The following FAT1 variants were observed in gnomAD, a reference collection of about 807,000 sequenced individuals.
FAT1 encodes the protein protocadherin Fat 1.
FAT1 carries 171 observed loss-of-function variants against 329.8 expected under a neutral mutation model. The observed-to-expected ratio is 0.52, with a 90% CI of 0.46 to 0.59. The LOEUF (loss-of-function observed/expected upper bound fraction) is 0.59. Among genes scored for constraint, FAT1 ranks in the 20% least tolerant of loss-of-function variants. The pLI is 0.00. For synonymous variants in FAT1, 2,233 were observed against 2,228.6 expected (o/e 1.00, Z -0.06); for missense variants, 5,672 against 5,774.4 (o/e 0.98, Z 0.57).
intron 1 of FAT1, among the ~76,000 whole-genome samples, chr4:186,723,404 C>T (rs1361848422): frequency 6.6e-6 from 1 of 152,218 alleles, no homozygotes. Flanking sequence ...CAGAAAGGAT[C>T]GGACCCCAGC....
chr4:186,666,132 A>G (rs750643288), intron 2 of FAT1, among the ~76,000 whole-genome samples: 1 of 152,046 alleles, frequency 6.6e-6, no homozygotes, highest in East Asian at 1.9e-4. Flanking sequence ...ACATGTATAC[A>G]TATGTAACAA....
rs2126616746 is a variant in FAT1 at position 186,663,342 on chromosome 4, T to C, written c.3537A>G (p.Thr1179=). ...SSNDKLMYKI[T]SGNPQGFFSI... ...AAAAGAATCCTTGTGGATTTCCACTTGTAATTTTGTACATGAGCTTGTCAT... is the reference window on the plus strand; with the variant it reads ...AAAAGAATCCTTGTGGATTTCCACTCGTAATTTTGTACATGAGCTTGTCAT... Residue 1179 remains threonine, a synonymous_variant, in exon 3 of 27, where the codon ACA becomes ACG. Coordinates refer to ENST00000441802, the MANE Select transcript of FAT1 (RefSeq NM_005245.4). 6.2e-7 allele frequency: 1 copy of C among 1,614,004 alleles called. No individual in the cohort carries two copies. Among genetic ancestry groups the C allele is most frequent in the Non-Finnish European group, 8.5e-7 (1 of 1,179,860 alleles).
At position 186,619,387 on chromosome 4, in the gene FAT1, C is replaced by G. The variant is rs1422565998; in HGVS notation, c.7199G>C (p.Ser2400Thr). The G allele has an allele frequency of 5.6e-6, 9 of 1,614,004 alleles. No homozygotes were observed. Among genetic ancestry groups the G allele is most frequent in the Non-Finnish European group, 6.8e-6 (8 of 1,179,894 alleles). The change falls in exon 10 of 27, where the codon AGC becomes ACC. Residue 2400 changes from serine to threonine, a missense_variant. By Grantham distance (58) the Ser-to-Thr change is moderately conservative (BLOSUM62 1). Around this residue, in one of 2 missense-constraint regions of FAT1, gnomAD observed 3,966 missense variants for 3,915.2 expected, o/e 1.01. Transcript: ENST00000441802. The part of the protein sequence containing the change: ...FEQQIYEARI[S>T]EHAPHGHFVT... ...GAAATGCCCATGAGGGGCGTGCTCG[C>G]TAATTCTGGCTTCATAAATCTGTTG...
Position 186,651,053 on chromosome 4 carries a change from A to ATAATTTATCTATTAT in FAT1, c.3581-11271_3581-11270insATAATAGATAAATTA, listed in dbSNP as rs565010587. ...TAAATAATTTATTTACTATTATTAA[A>ATAATTTATCTATTAT]TAATTTATTTATTATTAATAATTGA... On this transcript the variant is annotated intron_variant, in intron 3 of 26. Coordinates refer to ENST00000441802, the MANE Select transcript of FAT1 (RefSeq NM_005245.4). 1.7e-3 allele frequency among the ~76,000 whole-genome samples: 256 copies of ATAATTTATCTATTAT among 149,638 alleles called. 1 individual carries two copies. The highest frequency in any genetic ancestry group is 0.011 in the Middle Eastern group (3 of 280).
chr4:186,647,588 G>C (rs1193927934), intron 3 of FAT1, among the ~76,000 whole-genome samples: 1 of 152,164 alleles, frequency 6.6e-6, no homozygotes, highest in Non-Finnish European at 1.5e-5. Context: ...CCTTTTGCAG[G>C]AAGGAGTCCT....
At chr4:186,715,007 G>T (rs1485288584) in intron 1 of FAT1, among the ~76,000 whole-genome samples, 1 of 152,152 alleles carries the variant, frequency 6.6e-6, no homozygotes, top group African/African-American at 2.4e-5. Flanking sequence ...GAACAAGGGA[G>T]ACGGAGGTTG....
Position 186,628,715 on chromosome 4 carries a change from T to G in FAT1, c.4372A>C (p.Thr1458Pro), listed in dbSNP as rs779756475. Reference sequence around the variant, plus strand: ...GGAATAACAACTTCATACTTTGATGTAGAAAACTGAGGACGATGGTCATTT... The same window carrying G: ...GGAATAACAACTTCATACTTTGATGGAGAAAACTGAGGACGATGGTCATTT... The part of the protein sequence containing the change: ...DTNDHRPQFS[T>P]SKYEVVIPED... The change falls in exon 8 of 27, where the codon ACA becomes CCA. Residue 1458 changes from threonine to proline, a missense_variant. By Grantham distance (38) the Thr-to-Pro change is conservative. This residue lies in a region of FAT1 where 3,966 missense variants were observed against 3,915.2 expected (regional missense o/e 1.01). Transcript: ENST00000441802. 1 of 1,613,928 alleles carries G rather than the reference T, an allele frequency of 6.2e-7. No homozygotes were observed. The highest frequency in any genetic ancestry group is 2.2e-5 in the East Asian group (1 of 44,886).
chr4:186,607,169 T>G (rs1039740540), intron 16 of FAT1, among the ~76,000 whole-genome samples: 2 of 152,240 alleles, frequency 1.3e-5, no homozygotes, highest in African/African-American at 4.8e-5. Flanking sequence ...CAAATTCCTT[T>G]AATCTTAGAT....
At chr4:186,626,618 G>A (rs1478317905) in intron 9 of FAT1, among the ~76,000 whole-genome samples, 4 of 117,494 alleles carry the variant, frequency 3.4e-5, no homozygotes, top group Non-Finnish European at 5.2e-5. Flanking sequence ...CATGGCACCT[G>A]GCACATAAAG....
At position 186,707,999 on chromosome 4, in the gene FAT1, T is replaced by C. The variant is rs748205441; in HGVS notation, c.1829A>G (p.Asn610Ser). ...QLVQYQIEAG[N>S]ELDFFSLNPN... The stretch of plus-strand genomic sequence containing the variant: ...GTTTAAACTAAAGAAATCCAGTTCA[T>C]TTCCAGCTTCAATCTGATACTGTAC... Residue 610 changes from asparagine (N) to serine (S), a missense_variant, in exon 2 of 27, where the codon AAT (asparagine) becomes AGT (serine). Asn to Ser is a conservative substitution (Grantham distance 46). Transcript: ENST00000441802. 2 of 1,613,942 alleles carry C rather than the reference T, an allele frequency of 1.2e-6. No individual in the cohort carries two copies. The highest frequency in any genetic ancestry group is 1.7e-6 in the Non-Finnish European group (2 of 1,179,872).
intron 1 of FAT1, among the ~76,000 whole-genome samples, chr4:186,714,012 G>A (rs942444830): frequency 3.3e-5 from 5 of 152,022 alleles, no homozygotes; most frequent in African/African-American, 7.2e-5. Flanking sequence ...CTCAAGATCC[G>A]TCTGGACTCA....
At chr4:186,613,414 C>T in intron 12 of FAT1, 72 bp from the exon 13 acceptor site, 6 of 1,169,180 alleles carry the variant, frequency 5.1e-6, no homozygotes, top group Non-Finnish European at 7.6e-6. Context: ...TATTTCCTCC[C>T]CTTTTGTCTT....
At chr4:186,700,316 CT>C (rs1203848019) in intron 2 of FAT1, among the ~76,000 whole-genome samples, 1 of 152,204 alleles carries the variant, frequency 6.6e-6, no homozygotes, top group Non-Finnish European at 1.5e-5. Context: ...ACTTTTACAA[CT>C]GCAAACACAA....
chr4:186,657,380 C>T (rs571723665), intron 3 of FAT1, among the ~76,000 whole-genome samples: 1 of 152,218 alleles, frequency 6.6e-6, no homozygotes, highest in South Asian at 2.1e-4. Flanking sequence ...AGAAGCCTTA[C>T]CAAAAAGAGT....
intron 2 of FAT1, among the ~76,000 whole-genome samples, chr4:186,692,461 C>G (rs1021446667): frequency 6.6e-6 from 1 of 152,036 alleles, no homozygotes; most frequent in African/African-American, 2.4e-5. Context: ...TACAGGCGCC[C>G]GCCACCACGC....
At chr4:186,674,110 T>C (rs1742848198) in intron 2 of FAT1, among the ~76,000 whole-genome samples, 1 of 152,254 alleles carries the variant, frequency 6.6e-6, no homozygotes, top group South Asian at 2.1e-4. Context: ...TCTCCCCTTA[T>C]ACGGACTGGA....
At position 186,596,595 on chromosome 4, in the gene FAT1, G is replaced by C; in HGVS notation, c.12945C>G (p.Asn4315Lys). 1 of 1,613,022 alleles carries C rather than the reference G, an allele frequency of 6.2e-7. No homozygotes were observed. The highest frequency in any genetic ancestry group is 8.5e-7 in the Non-Finnish European group (1 of 1,179,556). Residue 4315 changes from asparagine to lysine, a missense_variant, in exon 25 of 27, where the codon AAC becomes AAG. Transcript: ENST00000441802. This position sits in a 1 kb window ranked among gnomAD's most constrained non-coding sequence, Gnocchi z 4.7. ...GGATGGAGTCGCTGTCAGAAGGGGA[G>C]TTTGAAGGGGGTGGGGGAGGCAGGT... ...APNLPPPPPS[N>K]SPSDSDSIQK...
intron 2 of FAT1, among the ~76,000 whole-genome samples, chr4:186,703,712 A>G (rs1377853331): frequency 1.3e-5 from 2 of 152,258 alleles, no homozygotes. Context: ...AGCAAGCACC[A>G]GCCTGGCCTG....
intron 2 of FAT1, among the ~76,000 whole-genome samples, chr4:186,691,139 C>T (rs946593390): frequency 1.3e-5 from 2 of 152,144 alleles, no homozygotes; most frequent in African/African-American, 4.8e-5. Context: ...AAAATCAGTT[C>T]ACCTTTCACA....
Sources: gnomAD v4.1 joint callset for allele counts (sites outside exome capture counted in the v4.1 genomes callset) on GRCh38, gnomAD v4.1.1 for gene constraint, gnomAD v4.1.1 regional missense constraint, Gnocchi (gnomAD v3.1) non-coding constraint, MANE v1.5 for transcripts, NCBI Gene and HGNC (gene_info 2026-07-23, HGNC 2026-07-21) for gene names.